ADGRV1: variants seen among roughly 807,000 people sequenced by gnomAD.
The protein encoded by ADGRV1 is G-protein coupled receptor 98.
In ADGRV1, 359 loss-of-function variants were observed where a neutral mutation model predicts 596.2. The observed-to-expected ratio is 0.60, with a 90% CI of 0.55 to 0.66. The LOEUF (loss-of-function observed/expected upper bound fraction) is 0.66, where lower values mean the gene tolerates loss of function less well. Ranked by LOEUF, ADGRV1 falls within the 30% of genes least tolerant of loss-of-function variation. The pLI is 0.00. For missense variants in ADGRV1, 7,274 were observed against 7,575.6 expected, an observed-to-expected ratio of 0.96 and a Z score of 1.48; for synonymous variants, 2,681 against 2,679.2, an observed-to-expected ratio of 1.00 and a Z score of -0.02.
rs139942847 is a variant in ADGRV1 at position 90,766,654 on chromosome 5, C to A, written c.12285+3185C>A. ...CTCCCACAGTGATAAGAAGTGAAGG[C>A]GCAAGGTCCTATCTACTTTGAAGGG... On this transcript the variant is annotated intron_variant, in intron 59 of 89. Coordinates refer to ENST00000405460, the MANE Select transcript of ADGRV1 (RefSeq NM_032119.4). Among the ~76,000 whole-genome samples, 736 of 152,258 alleles carry A rather than the reference C, an allele frequency of 4.8e-3. 2 individuals carry two copies. Among genetic ancestry groups the A allele is most frequent in the Non-Finnish European group, 8.3e-3 (562 of 68,028 alleles).
At chr5:90,600,122 G>A (rs999695749) in intron 1 of ADGRV1, among the ~76,000 whole-genome samples, 12 of 152,166 alleles carry the variant, frequency 7.9e-5, no homozygotes, top group South Asian at 2.1e-4. Flanking sequence ...GTGATCTTCC[G>A]GAGCTCTGCC....
intron 83 of ADGRV1, among the ~76,000 whole-genome samples, chr5:90,958,078 C>A (rs1377133495): frequency 2.6e-5 from 4 of 151,418 alleles, no homozygotes; most frequent in Non-Finnish European, 5.9e-5. Context: ...GATTGCAAGA[C>A]CAGCCTAGGC....
intron 1 of ADGRV1, among the ~76,000 whole-genome samples, chr5:90,596,661 G>A (rs946873362): frequency 1.3e-5 from 2 of 152,162 alleles, no homozygotes; most frequent in Non-Finnish European, 2.9e-5. Flanking sequence ...GTGGCGGCGC[G>A]CGCCTGCAAT....
chr5:91,058,835 G>T (rs1562157924), intron 85 of ADGRV1, among the ~76,000 whole-genome samples: 1 of 152,100 alleles, frequency 6.6e-6, no homozygotes, highest in Non-Finnish European at 1.5e-5. Flanking sequence ...AATCATAATT[G>T]CATGACTGAG....
chr5:90,721,786 A>G (rs1276323124), intron 45 of ADGRV1, among the ~76,000 whole-genome samples: 2 of 152,222 alleles, frequency 1.3e-5, no homozygotes, highest in East Asian at 3.9e-4. Flanking sequence ...TTGATCTTTG[A>G]GCTAAGACTG....
At chr5:90,858,495 G>A (rs898463882) in intron 82 of ADGRV1, among the ~76,000 whole-genome samples, 1 of 151,570 alleles carries the variant, frequency 6.6e-6, no homozygotes, top group Non-Finnish European at 1.5e-5. Flanking sequence ...TTGAGACAGA[G>A]CACCACCACA....
At chr5:90,865,793 C>A (rs373124907) in intron 83 of ADGRV1, among the ~76,000 whole-genome samples, 19 of 152,104 alleles carry the variant, frequency 1.2e-4, no homozygotes, top group African/African-American at 4.3e-4. Flanking sequence ...AATTCTTAGA[C>A]CCCCCAAAAC....
intron 21 of ADGRV1, among the ~76,000 whole-genome samples, chr5:90,664,378 G>T (rs1297857372): frequency 6.6e-6 from 1 of 151,816 alleles, no homozygotes; most frequent in Admixed American, 6.6e-5. Context: ...TGAAGCAATT[G>T]TGAATGGGAG....
intron 85 of ADGRV1, among the ~76,000 whole-genome samples, chr5:91,036,864 A>T (rs530393407): frequency 1.3e-5 from 2 of 152,326 alleles, no homozygotes; most frequent in South Asian, 4.1e-4. Context: ...GCAGGAAATT[A>T]AATGCAAGAA....
intron 1 of ADGRV1, among the ~76,000 whole-genome samples, chr5:90,611,143 A>G (rs1033610370): frequency 2.6e-5 from 4 of 151,972 alleles, no homozygotes; most frequent in African/African-American, 9.7e-5. Context: ...ACAGGTACAC[A>G]ATATACAAAT....
chr5:91,050,264 CGTT>C (rs1186266290), intron 85 of ADGRV1, among the ~76,000 whole-genome samples: 2 of 152,152 alleles, frequency 1.3e-5, no homozygotes, highest in Non-Finnish European at 2.9e-5. Context: ...TATCTTTTCC[CGTT>C]GTTCTGAAAG....
At chr5:90,847,409 A>G (rs1007229526) in intron 78 of ADGRV1, among the ~76,000 whole-genome samples, 2 of 152,230 alleles carry the variant, frequency 1.3e-5, no homozygotes, top group African/African-American at 4.8e-5. Flanking sequence ...TTAGCTAGAC[A>G]TATTCTCCAA....
At chr5:90,887,150 G>A (rs78573639) in intron 83 of ADGRV1, among the ~76,000 whole-genome samples, 16,539 of 151,876 alleles carry the variant, frequency 0.11, 1,481 homozygotes, top group African/African-American at 0.24. Flanking sequence ...CACCAGCTCC[G>A]GTCCATATCA....
At chr5:91,150,773 A>T (rs1795984556) in intron 88 of ADGRV1, among the ~76,000 whole-genome samples, 1 of 152,144 alleles carries the variant, frequency 6.6e-6, no homozygotes, top group Non-Finnish European at 1.5e-5. Flanking sequence ...CTATTGGAAA[A>T]TCTAGCCAGG....
intron 86 of ADGRV1, among the ~76,000 whole-genome samples, chr5:91,094,757 A>C (rs1170964629): frequency 6.6e-6 from 1 of 152,144 alleles, no homozygotes; most frequent in Non-Finnish European, 1.5e-5. Flanking sequence ...GTGTGATGAG[A>C]AGAGGGATAC....
intron 79 of ADGRV1, among the ~76,000 whole-genome samples, chr5:90,851,134 TGAGAGA>T (rs141999531): frequency 0.018 from 1,447 of 81,464 alleles, 41 homozygotes; most frequent in African/African-American, 0.048. Context: ...TGTGTGTGTG[TGAGAGA>T]GAGAGAGAGA....
intron 1 of ADGRV1, among the ~76,000 whole-genome samples, chr5:90,564,941 T>C (rs1580280866): frequency 6.6e-6 from 1 of 151,382 alleles, no homozygotes; most frequent in Non-Finnish European, 1.5e-5. Context: ...TTAATATATT[T>C]AAAAAGTTGT....
At chr5:90,759,060 A>G (rs912777949) in intron 57 of ADGRV1, among the ~76,000 whole-genome samples, 5 of 152,194 alleles carry the variant, frequency 3.3e-5, no homozygotes, top group Admixed American at 2.0e-4. Context: ...AATTTTAAGA[A>G]TAAGGATTTA....
At chr5:90,802,114 T>C (rs558893312) in intron 70 of ADGRV1, among the ~76,000 whole-genome samples, 6 of 152,356 alleles carry the variant, frequency 3.9e-5, no homozygotes, top group Non-Finnish European at 8.8e-5. Flanking sequence ...TACTTGATCC[T>C]ATCATGAACA....
Sources: allele counts gnomAD v4.1 joint callset (sites outside exome capture counted in the v4.1 genomes callset), GRCh38; gene constraint gnomAD v4.1.1; transcripts MANE v1.5; gene names NCBI Gene and HGNC (gene_info 2026-07-23, HGNC 2026-07-21).